BTAF1: variants seen among roughly 807,000 people sequenced by gnomAD.
The protein encoded by BTAF1 is B-TFIID TATA-box binding protein associated factor 1.
BTAF1 carries 38 observed loss-of-function variants against 227.1 expected under a neutral mutation model. The observed-to-expected ratio is 0.17, with a 90% confidence interval of 0.13 to 0.22. The LOEUF is 0.22. Ranked by LOEUF, BTAF1 falls within the 10% of genes least tolerant of loss-of-function variation. The pLI, the probability that BTAF1 is intolerant of heterozygous loss-of-function variation, is 1.00. For missense variants in BTAF1, 1,598 were observed against 2,204.0 expected (o/e 0.73, Z 5.51); for synonymous variants, 742 against 751.9 (o/e 0.99, Z 0.21).
chr10:92,010,987 C>A, intron 28 of BTAF1, 86 bp from the exon 29 acceptor site: 3 of 940,736 alleles, frequency 3.2e-6, no homozygotes, highest in South Asian at 1.4e-5. Context: ...GCTTAGTGGG[C>A]AGATTGAAAG....
At chr10:91,932,376 A>C (rs1406931459) in intron 1 of BTAF1, among the ~76,000 whole-genome samples, 1 of 152,194 alleles carries the variant, frequency 6.6e-6, no homozygotes, top group Non-Finnish European at 1.5e-5. Flanking sequence ...CTGCTGTCAC[A>C]GATTAAGGAT....
chr10:91,950,144 T>A, intron 4 of BTAF1, among the ~76,000 whole-genome samples: 1 of 18,964 alleles, frequency 5.3e-5, no homozygotes, highest in Non-Finnish European at 6.6e-4. Flanking sequence ...GACCTTGTCC[T>A]TTGTGGGGGG....
intron 14 of BTAF1, among the ~76,000 whole-genome samples, chr10:91,974,187 A>G (rs868548011): frequency 1.3e-5 from 2 of 152,212 alleles, no homozygotes; most frequent in African/African-American, 2.4e-5. Context: ...AGACTTGGCT[A>G]TAGCTCAGTG....
rs371283674 is a variant in BTAF1 at position 91,981,805 on chromosome 10, G to A, written c.1905+13G>A. On this transcript the variant is annotated intron_variant, in intron 16 of 37. Coordinates refer to ENST00000265990, the MANE Select transcript of BTAF1 (RefSeq NM_003972.3). ...AGCTAGAGCCAAGGTAAGTGTAGAG[G>A]GACATAGTGTATTTGTGTGTTCATC... 1.2e-6 allele frequency: 2 copies of A among 1,605,966 alleles called. No homozygotes were observed. The highest frequency in any genetic ancestry group is 2.7e-5 in the African/African-American group (2 of 74,392).
rs111674570 is a variant in BTAF1 at position 92,022,123 on chromosome 10, G to A, written c.4864-2633G>A. 3.3e-3 allele frequency among the ~76,000 whole-genome samples: 502 copies of A among 152,290 alleles called. 11 individuals carry two copies. The highest frequency in any genetic ancestry group is 0.012 in the African/African-American group (492 of 41,540). ...CAGAGCAGACTTGGGTTATAGATTA[G>A]TGAGAATACCAGAGTATCAATTCTG... is the stretch of plus-strand genomic sequence containing the variant. On this transcript the variant is annotated intron_variant, in intron 34 of 37. Transcript: ENST00000265990.
chr10:91,957,136 G>T (rs1846160954), intron 7 of BTAF1, 89 bp from the exon 8 acceptor site: 2 of 1,007,172 alleles, frequency 2.0e-6, no homozygotes, highest in South Asian at 3.2e-5. Context: ...GCTACTACTA[G>T]ACCTAGAAAT....
intron 20 of BTAF1, 21 bp from the exon 21 acceptor site, chr10:91,992,098 G>GT (rs1848830665): frequency 6.5e-7 from 1 of 1,536,382 alleles, no homozygotes; most frequent in Non-Finnish European, 8.8e-7. Flanking sequence ...TTAAAAGGTT[G>GT]TTTAACTTTT....
chr10:91,959,717 A>AATGT (rs1846355724), intron 9 of BTAF1, 68 bp from the exon 10 acceptor site: 1 of 514,318 alleles, frequency 1.9e-6, no homozygotes, highest in Middle Eastern at 6.0e-4. Flanking sequence ...ATGTTAAAAA[A>AATGT]ATGTGTGTGT....
rs531354943 is a variant in BTAF1, at chr10:91,923,974, G to C, written c.-103G>C. ...CCCACGCCGCACCGGCCGCTCCCCT[G>C]TGCTCCGCGGCCTGGGCCTGCGCCG... On this transcript the variant is annotated 5_prime_UTR_variant, in exon 1 of 38. Coordinates refer to ENST00000265990, the MANE Select transcript of BTAF1 (RefSeq NM_003972.3). 1.4e-6 allele frequency: 2 copies of C among 1,432,452 alleles called. No homozygotes were observed. The highest frequency in any genetic ancestry group is 1.5e-5 in the African/African-American group (1 of 67,932). 88.7% of individuals were successfully genotyped at this position (1,432,452 alleles called of 1,614,324 possible).
chr10:92,007,141 G>T (rs1324541460), intron 25 of BTAF1, among the ~76,000 whole-genome samples: 1 of 142,300 alleles, frequency 7.0e-6, no homozygotes, highest in Non-Finnish European at 1.5e-5. Flanking sequence ...TGTTAAAAAA[G>T]ACATGCATTA....
intron 10 of BTAF1, 49 bp downstream of exon 10, chr10:91,959,929 C>T: frequency 6.2e-7 from 1 of 1,600,540 alleles, no homozygotes; most frequent in Non-Finnish European, 8.5e-7. Flanking sequence ...TCAAATTCTA[C>T]AAAATACGTT....
rs200345892 is a variant in BTAF1 at position 91,996,352 on chromosome 10, T to C, written c.3310-17T>C. ...ATTTCCTAATAATTCTAATTGCCAT[T>C]AACTTTTTGTTTTTAGTTGGTCCAG... On this transcript the variant is annotated splice_polypyrimidine_tract_variant and intron_variant, in intron 23 of 37. Transcript: ENST00000265990. 64 of 1,607,922 alleles carry C rather than the reference T, an allele frequency of 4.0e-5. No individual in the cohort carries two copies. The African/African-American group carries it at 8.0e-4, about 20-fold the overall frequency.
intron 14 of BTAF1, among the ~76,000 whole-genome samples, chr10:91,973,223 C>T (rs1847432000): frequency 2.9e-5 from 4 of 137,102 alleles, no homozygotes; most frequent in Admixed American, 2.9e-4. Flanking sequence ...GAAAAGATCC[C>T]TTAAATAGAC....
chr10:91,997,561 T>G, intron 24 of BTAF1, 42 bp from the exon 25 acceptor site: 3 of 1,564,030 alleles, frequency 1.9e-6, no homozygotes, highest in Non-Finnish European at 2.6e-6. Context: ...TGAAAACATC[T>G]GTCTTGGAAC....
intron 20 of BTAF1, among the ~76,000 whole-genome samples, chr10:91,991,766 AT>A (rs1848770004): frequency 6.9e-6 from 1 of 145,278 alleles, no homozygotes; most frequent in Non-Finnish European, 1.5e-5. Context: ...GAAAAAAAAA[AT>A]TATATATATG....
At position 91,993,782 on chromosome 10, in the gene BTAF1, A is replaced by G; in HGVS notation, c.3134A>G (p.Lys1045Arg). The G allele has an allele frequency of 6.2e-7, 1 of 1,609,406 alleles. No individual in the cohort carries two copies. The highest frequency in any genetic ancestry group is 1.1e-5 in the South Asian group (1 of 90,004). Residue 1045 changes from lysine to arginine, a missense_variant, in exon 22 of 38, where the codon AAG becomes AGG. This residue lies in a region of BTAF1 where 425 missense variants were observed against 491.2 expected (regional missense o/e 0.87). Transcript: ENST00000265990. ...CATTTTGGTGGTGAAATGGCAGTGA[A>G]GTTGCCACATCTCTGGGATGCTATG... ...VKHFGGEMAV[K>R]LPHLWDAMVG... is the part of the protein sequence containing the mutation.
intron 4 of BTAF1, 61 bp from the exon 5 acceptor site, chr10:91,951,342 T>C: frequency 6.6e-7 from 1 of 1,522,856 alleles, no homozygotes; most frequent in Non-Finnish European, 8.9e-7. Context: ...GAGTTTGATG[T>C]GCACGTATTA....
At chr10:91,979,587 C>G (rs956631007) in intron 14 of BTAF1, among the ~76,000 whole-genome samples, 2 of 151,956 alleles carry the variant, frequency 1.3e-5, no homozygotes, top group African/African-American at 4.8e-5. Context: ...GTATTTAGTG[C>G]TTAAAAAAAG....
At chr10:91,962,700 T>C in intron 12 of BTAF1, 22 bp downstream of exon 12, 1 of 1,566,826 alleles carries the variant, frequency 6.4e-7, no homozygotes, top group Non-Finnish European at 8.6e-7. Context: ...ATTTTTACAG[T>C]TTCTTACTAT....
Sources: gnomAD v4.1 joint callset for allele counts (sites outside exome capture counted in the v4.1 genomes callset) on GRCh38, gnomAD v4.1.1 for gene constraint, gnomAD v4.1.1 regional missense constraint, MANE v1.5 for transcripts, NCBI Gene and HGNC (gene_info 2026-07-23, HGNC 2026-07-21) for gene names.